The following SH2D4A variants were observed in gnomAD, a reference collection of about 807,000 sequenced individuals.
SH2D4A encodes SH2 domain-containing protein 4A.
In SH2D4A, 70 loss-of-function variants were observed where a neutral mutation model predicts 64.7. That is an observed-to-expected ratio of 1.08 (90% CI 0.89 to 1.32). The LOEUF is 1.32. Among genes scored for constraint, SH2D4A ranks in the 40% most tolerant of loss-of-function variants. The probability of loss-of-function intolerance (pLI) is 0.00; values close to 1 mark genes in which losing one functional copy is unlikely to be tolerated. For missense variants in SH2D4A, 706 were observed against 540.1 expected (o/e 1.31, Z -3.04); for synonymous variants, 268 against 200.7 (o/e 1.34, Z -2.83).
intron 7 of SH2D4A, among the ~76,000 whole-genome samples, chr8:19,371,197 A>G (rs936826092): frequency 6.6e-6 from 1 of 152,168 alleles, no homozygotes; most frequent in Non-Finnish European, 1.5e-5. Context: ...AACAAAAATC[A>G]TGTTAGCATC....
intron 9 of SH2D4A, among the ~76,000 whole-genome samples, chr8:19,393,874 C>G (rs747354416): frequency 1.3e-5 from 2 of 152,230 alleles, no homozygotes; most frequent in Non-Finnish European, 2.9e-5. Flanking sequence ...ATGACAATTT[C>G]TCCATGGACT....
intron 2 of SH2D4A, among the ~76,000 whole-genome samples, chr8:19,330,529 C>G (rs757123141): frequency 6.6e-6 from 1 of 152,168 alleles, no homozygotes; most frequent in South Asian, 2.1e-4. Flanking sequence ...CCTTTGCTCT[C>G]TTCTCTGTGT....
intron 4 of SH2D4A, among the ~76,000 whole-genome samples, chr8:19,344,381 G>C (rs145723867): frequency 2.8e-4 from 43 of 152,266 alleles, no homozygotes; most frequent in African/African-American, 1.0e-3. Context: ...CTTTGTACCT[G>C]GAGCCGCCTG....
At position 19,386,816 on chromosome 8, in the gene SH2D4A, G is replaced by C. The variant is rs1005669206; in HGVS notation, c.1049-6502G>C. Among the ~76,000 whole-genome samples the C allele has an allele frequency of 9.2e-5, 14 of 152,284 alleles. No homozygotes were observed. In the South Asian group the frequency reaches 1.5e-3, roughly 16 times the overall value. On this transcript the variant is annotated intron_variant, in intron 8 of 9. Transcript: ENST00000265807. ...TAAAAAAAAGACAGGGTGTTGCTCTGTCACTCAGGTTGGAATGCAGTGGGG... is the reference window on the plus strand; with the variant it reads ...TAAAAAAAAGACAGGGTGTTGCTCTCTCACTCAGGTTGGAATGCAGTGGGG...
At chr8:19,352,669 G>A (rs1159628987) in intron 4 of SH2D4A, among the ~76,000 whole-genome samples, 1 of 152,088 alleles carries the variant, frequency 6.6e-6, no homozygotes, top group Non-Finnish European at 1.5e-5. Flanking sequence ...GGCTTCAGAC[G>A]TGGAGATGAC....
At chr8:19,358,696 CAG>C (rs1363842725) in intron 5 of SH2D4A, among the ~76,000 whole-genome samples, 1 of 152,170 alleles carries the variant, frequency 6.6e-6, no homozygotes, top group African/African-American at 2.4e-5. Context: ...GGTGATAAAA[CAG>C]AGGCATCCTC....
intron 9 of SH2D4A, 42 bp from the exon 10 acceptor site, chr8:19,394,508 T>G: frequency 7.2e-7 from 1 of 1,382,484 alleles, no homozygotes; most frequent in Non-Finnish European, 1.0e-6. Flanking sequence ...GAGCATGTGG[T>G]CACTACTTAC....
At chr8:19,348,957 C>T (rs982941186) in intron 4 of SH2D4A, among the ~76,000 whole-genome samples, 2 of 152,020 alleles carry the variant, frequency 1.3e-5, no homozygotes, top group Non-Finnish European at 2.9e-5. Context: ...CAAGGGGGTT[C>T]ACACCTTAGA....
At chr8:19,385,709 T>C (rs1040019443) in intron 8 of SH2D4A, among the ~76,000 whole-genome samples, 9 of 152,166 alleles carry the variant, frequency 5.9e-5, no homozygotes, top group African/African-American at 1.9e-4. Flanking sequence ...GGGGACCAGA[T>C]ACCACCCCCA....
At chr8:19,371,121 G>A (rs9987102) in intron 7 of SH2D4A, among the ~76,000 whole-genome samples, 7,432 of 151,878 alleles carry the variant, frequency 0.049, 609 homozygotes, top group African/African-American at 0.17. Flanking sequence ...TATTAAGTTC[G>A]TTTTTAGTCT....
chr8:19,330,333 A>G lies in SH2D4A; in HGVS notation c.182-2622A>G, dbSNP rs143375504. Among the ~76,000 whole-genome samples the G allele has an allele frequency of 2.0e-3, 310 of 152,306 alleles. 2 individuals are homozygous for G. The highest frequency in any genetic ancestry group is 6.6e-3 in the African/African-American group (273 of 41,560). On this transcript the variant is annotated intron_variant, in intron 2 of 9. Transcript: ENST00000265807. ...TCTCTGAGCTCATTGAAGAGCTCTT[A>G]GAGGTGAAAAGTCAGCAGAGAGACC...
intron 2 of SH2D4A, among the ~76,000 whole-genome samples, chr8:19,320,623 CAAAAAAAAAA>C (rs57328086): frequency 7.7e-4 from 53 of 68,860 alleles, no homozygotes; most frequent in African/African-American, 2.7e-3. Flanking sequence ...GACTGTGTGT[CAAAAAAAAAA>C]AAAAAAAAAA....
intron 8 of SH2D4A, among the ~76,000 whole-genome samples, chr8:19,385,933 C>A (rs887693801): frequency 2.6e-5 from 4 of 152,240 alleles, no homozygotes; most frequent in Non-Finnish European, 5.9e-5. Context: ...CTTCTGTCTT[C>A]ACTGAGCACA....
chr8:19,340,064 G>C (rs969677876), intron 4 of SH2D4A, among the ~76,000 whole-genome samples: 3 of 152,186 alleles, frequency 2.0e-5, no homozygotes, highest in African/African-American at 7.2e-5. Context: ...TAGCACTGGG[G>C]CAGCTCCGAG....
intron 4 of SH2D4A, among the ~76,000 whole-genome samples, chr8:19,346,709 G>C (rs1412041032): frequency 6.6e-6 from 1 of 152,104 alleles, no homozygotes; most frequent in African/African-American, 2.4e-5. Flanking sequence ...GTTAAATTTA[G>C]CAACACTGAC....
chr8:19,327,504 TTC>T, intron 2 of SH2D4A, among the ~76,000 whole-genome samples: 1 of 152,296 alleles, frequency 6.6e-6, no homozygotes, highest in East Asian at 1.9e-4. Flanking sequence ...CATTTTCAAC[TTC>T]TCTTACCAGA....
At chr8:19,326,054 C>T (rs2052274216) in intron 2 of SH2D4A, among the ~76,000 whole-genome samples, 1 of 152,230 alleles carries the variant, frequency 6.6e-6, no homozygotes, top group Non-Finnish European at 1.5e-5. Flanking sequence ...CATTTTCACC[C>T]TCCAAAGCAT....
At chr8:19,336,994 T>C (rs540180451) in intron 4 of SH2D4A, among the ~76,000 whole-genome samples, 10 of 152,322 alleles carry the variant, frequency 6.6e-5, no homozygotes, top group African/African-American at 2.4e-4. Flanking sequence ...ACAGTTATTA[T>C]TCTTTAACCA....
At chr8:19,362,312 T>C (rs1464734188) in intron 6 of SH2D4A, among the ~76,000 whole-genome samples, 1 of 152,248 alleles carries the variant, frequency 6.6e-6, no homozygotes, top group Non-Finnish European at 1.5e-5. Flanking sequence ...ATTTGACCAA[T>C]ACTGCCTGAA....
Sources: allele counts gnomAD v4.1 joint callset (sites outside exome capture counted in the v4.1 genomes callset), GRCh38; gene constraint gnomAD v4.1.1; transcripts MANE v1.5; gene names NCBI Gene and HGNC (gene_info 2026-07-23, HGNC 2026-07-21).